Variants in C12orf54 observed in about 807,000 individuals in gnomAD.
C12orf54 encodes chromosome 12 open reading frame 54.
Under a neutral mutation model 26.4 loss-of-function variants are expected in C12orf54, and 24 were observed. The observed-to-expected ratio is 0.91, with a 90% CI of 0.66 to 1.28. C12orf54 has a LOEUF of 1.28. Among genes scored for constraint, C12orf54 ranks in the 50% most tolerant of loss-of-function variants. The probability of loss-of-function intolerance (pLI) is 0.00; values close to 1 mark genes in which losing one functional copy is unlikely to be tolerated. For synonymous variants in C12orf54, 54 were observed against 47.0 expected (o/e 1.15, Z -0.61); for missense variants, 154 against 150.9 (o/e 1.02, Z -0.11).
the C12orf54 span, chr12:48,473,052 A>G: frequency 6.2e-7 from 1 of 1,613,972 alleles, no homozygotes; most frequent in Admixed American, 1.7e-5. Context: ...CAACCTGAAC[A>G]ACTACTGAGA....
the C12orf54 span, among the ~76,000 whole-genome samples, chr12:48,463,279 G>C: frequency 2.0e-5 from 3 of 151,908 alleles, no homozygotes; most frequent in African/African-American, 7.2e-5. Context: ...ATAACCATCA[G>C]AGATTATTAT....
At chr12:48,484,824 C>G (rs1302774640) in intron 2 of C12orf54, among the ~76,000 whole-genome samples, 1 of 152,182 alleles carries the variant, frequency 6.6e-6, no homozygotes, top group Non-Finnish European at 1.5e-5. Flanking sequence ...TATGCATTAT[C>G]AAACTATCAC....
the C12orf54 span, among the ~76,000 whole-genome samples, chr12:48,475,914 C>T: frequency 2.0e-5 from 3 of 151,660 alleles, no homozygotes; most frequent in South Asian, 2.1e-4. Flanking sequence ...AGATACTCCT[C>T]GAGAAGAGCA....
the C12orf54 span, among the ~76,000 whole-genome samples, chr12:48,439,081 C>G: frequency 6.6e-6 from 1 of 152,150 alleles, no homozygotes; most frequent in African/African-American, 2.4e-5. Flanking sequence ...ACAACCCCAT[C>G]AAAACGTGGG....
chr12:48,473,981 G>A, the C12orf54 span, among the ~76,000 whole-genome samples: 15 of 152,300 alleles, frequency 9.8e-5, no homozygotes, highest in Non-Finnish European at 1.5e-4. Flanking sequence ...TTCACAGATC[G>A]TGGTGGGCTT....
chr12:48,453,674 G>T, the C12orf54 span, among the ~76,000 whole-genome samples: 12 of 144,020 alleles, frequency 8.3e-5, no homozygotes, highest in African/African-American at 2.9e-4. Context: ...GAAGAGCCAG[G>T]ATTTATCCTC....
At chr12:48,491,065 A>G (rs1937779117) in intron 6 of C12orf54, among the ~76,000 whole-genome samples, 1 of 152,200 alleles carries the variant, frequency 6.6e-6, no homozygotes, top group African/African-American at 2.4e-5. Flanking sequence ...TCCTTAAAGC[A>G]TTCATAAGCA....
upstream of C12orf54, among the ~76,000 whole-genome samples, chr12:48,478,446 C>T (rs144547189): frequency 0.15 from 22,476 of 152,084 alleles, 2,890 homozygotes; most frequent in East Asian, 0.66. Flanking sequence ...TAGGAAAAGA[C>T]GAAGTCAAAT....
At chr12:48,422,717 G>T in the C12orf54 span, among the ~76,000 whole-genome samples, 7 of 152,144 alleles carry the variant, frequency 4.6e-5, no homozygotes, top group Non-Finnish European at 1.0e-4. Flanking sequence ...GAGAAACAAT[G>T]TTTATGGTTG....
chr12:48,488,343 C>A, intron 4 of C12orf54: 1 of 518,718 alleles, frequency 1.9e-6, no homozygotes, highest in East Asian at 4.3e-5. Context: ...TGCTGTGCCC[C>A]CTGGTGCCGA....
chr12:48,480,385 A>G (rs1256255078), upstream of C12orf54, among the ~76,000 whole-genome samples: 1 of 152,224 alleles, frequency 6.6e-6, no homozygotes, highest in Non-Finnish European at 1.5e-5. Context: ...CATAGTTTGC[A>G]AATATTTTCT....
Position 48,492,941 on chromosome 12 carries a change from C to T in C12orf54, c.194-6C>T. The T allele has an allele frequency of 1.9e-6, 3 of 1,613,774 alleles. No individual in the cohort carries two copies. The highest frequency in any genetic ancestry group is 2.5e-6 in the Non-Finnish European group (3 of 1,179,686). On this transcript the variant is annotated splice_region_variant and splice_polypyrimidine_tract_variant and intron_variant, in intron 6 of 8. Transcript: ENST00000548364. ...ACAGAATGACTCTTCTCTGTGTCCA[C>T]TTTAGGGATGAGCAACTGCTCCATG...
chr12:48,494,807 G>A lies in C12orf54; in HGVS notation c.252G>A (p.Arg84=). The A allele has an allele frequency of 6.2e-7, 1 of 1,613,786 alleles. No individual in the cohort carries two copies. Among genetic ancestry groups the A allele is most frequent in the African/African-American group, 1.3e-5 (1 of 74,986 alleles). ...CTCTATTTTGGCACAGAAGCATAAG[G>A]CCTCCAGATTCCTTGATGACCCCAA... ...MTSAPRTGSI[R]PPDSLMTPKL... The change falls in exon 8 of 9, where the codon AGG becomes AGA. Residue 84 remains arginine (R), a synonymous_variant. Coordinates refer to ENST00000548364, the MANE Select transcript of C12orf54 (RefSeq NM_152319.4).
the C12orf54 span, among the ~76,000 whole-genome samples, chr12:48,427,611 A>G: frequency 6.6e-6 from 1 of 152,012 alleles, no homozygotes; most frequent in Non-Finnish European, 1.5e-5. Context: ...GGCCTTGTCC[A>G]ACAGGAAAAT....
chr12:48,428,019 C>A, the C12orf54 span, among the ~76,000 whole-genome samples: 1 of 152,064 alleles, frequency 6.6e-6, no homozygotes, highest in Non-Finnish European at 1.5e-5. Context: ...CCAAAAGGAA[C>A]CTTCAAAACC....
chr12:48,483,377 A>G lies in C12orf54; in HGVS notation c.65+16A>G, dbSNP rs1345913456. ...AGCAGAGAAGGTAATGGGGCTAATGATGACCCTCAAACATCCTTAGATTGC... is the reference window on the plus strand; with the variant it reads ...AGCAGAGAAGGTAATGGGGCTAATGGTGACCCTCAAACATCCTTAGATTGC... On this transcript the variant is annotated intron_variant, in intron 2 of 8. Transcript: ENST00000548364. 1.2e-6 allele frequency: 2 copies of G among 1,611,402 alleles called. No individual in the cohort carries two copies. The highest frequency in any genetic ancestry group is 2.7e-5 in the African/African-American group (2 of 74,842).
chr12:48,454,050 G>A, the C12orf54 span, among the ~76,000 whole-genome samples: 1 of 150,856 alleles, frequency 6.6e-6, no homozygotes, highest in African/African-American at 2.4e-5. Flanking sequence ...TAAATTATAG[G>A]AAGGAAAATC....
intron 6 of C12orf54, among the ~76,000 whole-genome samples, chr12:48,492,596 C>G (rs1391060918): frequency 6.6e-6 from 1 of 152,130 alleles, no homozygotes; most frequent in Admixed American, 6.5e-5. Flanking sequence ...GAGGAGAATT[C>G]AAGTCTTATT....
chr12:48,437,218 G>C, the C12orf54 span, among the ~76,000 whole-genome samples: 1 of 152,124 alleles, frequency 6.6e-6, no homozygotes, highest in African/African-American at 2.4e-5. Context: ...TTGAATCTCT[G>C]AATAGACCAA....
Sources: gnomAD v4.1 joint callset for allele counts (sites outside exome capture counted in the v4.1 genomes callset) on GRCh38, gnomAD v4.1.1 for gene constraint, MANE v1.5 for transcripts, NCBI Gene and HGNC (gene_info 2026-07-23, HGNC 2026-07-21) for gene names.